The following PKM variants were observed in gnomAD, a reference collection of about 807,000 sequenced individuals.
PKM encodes pyruvate kinase PKM.
Under a neutral mutation model 49.8 loss-of-function variants are expected in PKM, and 18 were observed. The ratio of observed to expected loss-of-function variants is 0.36; its 90% CI spans 0.25 to 0.54. PKM has a LOEUF of 0.54. Among genes scored for constraint, PKM ranks in the 20% least tolerant of loss-of-function variants. The probability of loss-of-function intolerance (pLI) is 0.89; values close to 1 mark genes in which losing one functional copy is unlikely to be tolerated. For synonymous variants in PKM, 239 were observed against 261.8 expected, an observed-to-expected ratio of 0.91 and a Z score of 0.84; for missense variants, 508 against 713.8, an observed-to-expected ratio of 0.71 and a Z score of 3.28.
At chr15:72,208,119 G>A (rs1038794584) in intron 6 of PKM, among the ~76,000 whole-genome samples, 1 of 152,166 alleles carries the variant, frequency 6.6e-6, no homozygotes, top group Non-Finnish European at 1.5e-5. Context: ...GAGTTAGCAT[G>A]ATCACTGAGC....
intron 1 of PKM, among the ~76,000 whole-genome samples, chr15:72,229,973 A>T (rs2082804316): frequency 6.6e-6 from 1 of 151,738 alleles, no homozygotes; most frequent in Non-Finnish European, 1.5e-5. Context: ...AGAGGCGCGG[A>T]ACGGGCGAGG....
At chr15:72,221,332 G>A (rs2082516909) in intron 1 of PKM, 8 of 1,179,554 alleles carry the variant, frequency 6.8e-6, no homozygotes, top group Non-Finnish European at 8.4e-6. Flanking sequence ...AGCTCTTTGG[G>A]GTAATGGAAA....
Position 72,199,299 on chromosome 15 carries a change from T to C in PKM, c.*351A>G, listed in dbSNP as rs2081869498. 1.9e-5 allele frequency: 8 copies of C among 417,026 alleles called. No individual in the cohort carries two copies. Among genetic ancestry groups the C allele is most frequent in the South Asian group, 1.6e-4 (8 of 51,096 alleles). 25.8% of individuals were successfully genotyped at this position (417,026 alleles called of 1,614,324 possible). ...GCTGTTTCTTGACCCCAAGCCAGGG[T>C]TGGGAGTCCTCTGGGCATCCATTTT... On this transcript the variant is annotated 3_prime_UTR_variant, in exon 11 of 11. Coordinates refer to ENST00000335181, the MANE Select transcript of PKM (RefSeq NM_002654.6).
rs956729882 is a variant in PKM, at chr15:72,202,020, C to G, written c.1307+434G>C. The G allele has an allele frequency of 8.3e-6, 2 of 242,302 alleles. No homozygotes were observed. The highest frequency in any genetic ancestry group is 1.7e-5 in the Non-Finnish European group (2 of 120,774). The allele number at this position is 242,302 out of a possible 1,614,324, so 15.0% of individuals were successfully genotyped here. A position where few individuals can be genotyped will look rare whatever the true frequency, so the allele number is the denominator to read the frequency against. ...CCAATTTGTCTTTAGGGCTCAAAAA[C>G]AGCAGGGACTAGTGTGCCAAATGGA... On this transcript the variant is annotated intron_variant, in intron 9 of 10. Transcript: ENST00000335181. This position sits in a 1 kb window ranked among gnomAD's most constrained non-coding sequence, Gnocchi z 4.5.
intron 1 of PKM, among the ~76,000 whole-genome samples, chr15:72,227,300 G>A (rs1349951044): frequency 2.0e-5 from 3 of 152,196 alleles, no homozygotes; most frequent in African/African-American, 4.8e-5. Flanking sequence ...CAGGGTCAAC[G>A]CATTCTTGTG....
In PKM at chr15:72,213,062, G is replaced by A. The variant is rs533096148; in HGVS notation, c.247-2584C>T. On this transcript the variant is annotated intron_variant, in intron 3 of 10. Transcript: ENST00000335181. ...TGCATTCCAGCCTGGGTGACAGAGCGAGACTCCGTCTCAGAAGAAAAAAAA... is the reference window on the plus strand; with the variant it reads ...TGCATTCCAGCCTGGGTGACAGAGCAAGACTCCGTCTCAGAAGAAAAAAAA... Among the ~76,000 whole-genome samples, 4 of 151,644 alleles carry A rather than the reference G, an allele frequency of 2.6e-5. No homozygotes were observed. The East Asian group carries it at 5.8e-4, about 22-fold the overall frequency.
At chr15:72,216,052 G>A (rs2082370055) in intron 3 of PKM, among the ~76,000 whole-genome samples, 1 of 152,168 alleles carries the variant, frequency 6.6e-6, no homozygotes, top group African/African-American at 2.4e-5. Context: ...ACAGGTTAGG[G>A]AATCTATGAT....
In PKM at chr15:72,225,221, C is replaced by A. The variant is rs758058515; in HGVS notation, c.-14+5895G>T. 2.4e-4 allele frequency among the ~76,000 whole-genome samples: 36 copies of A among 151,966 alleles called. 1 individual carries two copies. The highest frequency in any genetic ancestry group is 4.4e-4 in the Non-Finnish European group (30 of 67,984). On this transcript the variant is annotated intron_variant, in intron 1 of 10. Coordinates refer to ENST00000335181, the MANE Select transcript of PKM (RefSeq NM_002654.6). ...AAAGTGCTGGGATTACAGGCATGAG[C>A]CACTGTGCCCGGCCCTCTTTACTTT...
intron 1 of PKM, among the ~76,000 whole-genome samples, chr15:72,225,650 C>T (rs79702805): frequency 0.016 from 2,490 of 152,304 alleles, 42 homozygotes; most frequent in African/African-American, 0.033. Flanking sequence ...GTTTTTCACT[C>T]AGCAGCACAT....
chr15:72,227,744 C>CAAAAAAA (rs34876633), intron 1 of PKM, among the ~76,000 whole-genome samples: 6 of 10,796 alleles, frequency 5.6e-4, no homozygotes, highest in African/African-American at 1.8e-3. Context: ...AAAACTATCT[C>CAAAAAAA]AAAAAAAAAA....
intron 1 of PKM, among the ~76,000 whole-genome samples, chr15:72,227,433 T>A (rs749267882): frequency 6.6e-6 from 1 of 152,164 alleles, no homozygotes; most frequent in Non-Finnish European, 1.5e-5. Flanking sequence ...AGATAACACA[T>A]CCTGACTTGC....
Position 72,209,662 on chromosome 15 carries a change from C to A in PKM, c.565+11G>T, listed in dbSNP as rs1433286467. On this transcript the variant is annotated intron_variant, in intron 5 of 10. Transcript: ENST00000335181. Reference sequence around the variant, plus strand: ...TGTTTTAGACAACTGGACTCCAGCTCCCATACGTACCTTTCTGCTTCACCT... The same window carrying A: ...TGTTTTAGACAACTGGACTCCAGCTACCATACGTACCTTTCTGCTTCACCT... The A allele has an allele frequency of 3.1e-6, 5 of 1,611,208 alleles. No homozygotes were observed. Among genetic ancestry groups the A allele is most frequent in the East Asian group, 4.5e-5 (2 of 44,874 alleles).
intron 1 of PKM, chr15:72,221,271 T>C (rs147562047): frequency 6.5e-7 from 1 of 1,533,852 alleles, no homozygotes; most frequent in African/African-American, 1.4e-5. Context: ...CTGAATACGG[T>C]GTGCCCTGGA....
Position 72,200,054 on chromosome 15 carries a change from T to C in PKM, c.1490-298A>G, listed in dbSNP as rs1343704655. Among the ~76,000 whole-genome samples the C allele has an allele frequency of 6.6e-6, 1 of 151,936 alleles. No homozygotes were observed. The highest frequency in any genetic ancestry group is 2.4e-5 in the African/African-American group (1 of 41,384). On this transcript the variant is annotated intron_variant, in intron 10 of 10. Transcript: ENST00000335181. This position sits in a 1 kb window ranked among gnomAD's most constrained non-coding sequence, Gnocchi z 4.6. ...CCTGTCATCTGATGATACCCTACCT[T>C]ATACAGGGACAATGGCCACATCAGT... is the stretch of plus-strand genomic sequence containing the variant.
intron 3 of PKM, among the ~76,000 whole-genome samples, chr15:72,215,028 G>A (rs140801076): frequency 2.2e-4 from 34 of 151,560 alleles, no homozygotes; most frequent in African/African-American, 6.8e-4. Context: ...GCGAAACCCC[G>A]TCTCTACTAA....
intron 1 of PKM, among the ~76,000 whole-genome samples, chr15:72,228,926 G>C (rs2082764164): frequency 6.6e-6 from 1 of 152,140 alleles, no homozygotes. Context: ...ACTTACAGCG[G>C]AACACCAAAG....
intron 8 of PKM, 25 bp downstream of exon 8, chr15:72,206,703 G>A: frequency 6.2e-7 from 1 of 1,610,738 alleles, no homozygotes. Context: ...AAGCCCTGGG[G>A]GATGGGGCAG....
At chr15:72,230,423 G>C (rs1171724654) in intron 1 of PKM, among the ~76,000 whole-genome samples, 1 of 152,218 alleles carries the variant, frequency 6.6e-6, no homozygotes, top group East Asian at 1.9e-4. Flanking sequence ...AAGGGGGGTG[G>C]GACCGCGCTC....
chr15:72,210,512 C>T (rs904889433), intron 3 of PKM, 34 bp from the exon 4 acceptor site: 2 of 1,613,262 alleles, frequency 1.2e-6, no homozygotes, highest in African/African-American at 2.7e-5. Context: ...CAAGCGTGCT[C>T]CCACACTAGA....
Sources: allele counts gnomAD v4.1 joint callset (sites outside exome capture counted in the v4.1 genomes callset), GRCh38; gene constraint gnomAD v4.1.1; non-coding constraint Gnocchi (gnomAD v3.1); transcripts MANE v1.5; gene names NCBI Gene and HGNC (gene_info 2026-07-23, HGNC 2026-07-21).